ACER1: variants seen among roughly 807,000 people sequenced by gnomAD.
ACER1 encodes the protein CTB-180A7.3.
ACER1 carries 28 observed loss-of-function variants against 24.9 expected under a neutral mutation model. The observed-to-expected ratio is 1.13, with a 90% CI of 0.83 to 1.54. The LOEUF is 1.54. Ranked by LOEUF, ACER1 falls within the 40% of genes most tolerant of loss-of-function variation. The pLI is 0.00. For synonymous variants in ACER1, 132 were observed against 131.4 expected, an observed-to-expected ratio of 1.00 and a Z score of -0.03; for missense variants, 352 against 349.3, an observed-to-expected ratio of 1.01 and a Z score of -0.06.
chr19:6,341,602 GTTTTC>G, the ACER1 span, among the ~76,000 whole-genome samples: 1 of 148,664 alleles, frequency 6.7e-6, no homozygotes, highest in African/African-American at 2.5e-5. Flanking sequence ...GCTTTTTTTT[GTTTTC>G]TTTTGTTTTG....
At chr19:6,321,537 TTTC>T (rs2091631013) in intron 1 of ACER1, among the ~76,000 whole-genome samples, 1 of 152,176 alleles carries the variant, frequency 6.6e-6, no homozygotes, top group East Asian at 1.9e-4. Flanking sequence ...TTTGGCTTAT[TTTC>T]TTCTTCTCCA....
intron 1 of ACER1, among the ~76,000 whole-genome samples, chr19:6,320,340 T>C (rs1041726034): frequency 3.9e-5 from 6 of 152,018 alleles, no homozygotes; most frequent in African/African-American, 1.4e-4. Flanking sequence ...AATGCGTATA[T>C]CTCACTCTGT....
At chr19:6,359,069 A>G in the ACER1 span, among the ~76,000 whole-genome samples, 1 of 151,990 alleles carries the variant, frequency 6.6e-6, no homozygotes, top group Admixed American at 6.6e-5. Context: ...CTGTCTCTAC[A>G]AAAAATTTTA....
At chr19:6,345,197 C>T in the ACER1 span, among the ~76,000 whole-genome samples, 28 of 151,900 alleles carry the variant, frequency 1.8e-4, no homozygotes, top group African/African-American at 5.6e-4. Context: ...GCCCGGCCTC[C>T]GTGTGTTGTT....
At chr19:6,310,953 C>T (rs1698240793) in intron 3 of ACER1, among the ~76,000 whole-genome samples, 1 of 151,286 alleles carries the variant, frequency 6.6e-6, no homozygotes, top group Non-Finnish European at 1.5e-5. Flanking sequence ...AGCAGAAAGT[C>T]TCAGGGAGCC....
the ACER1 span, among the ~76,000 whole-genome samples, chr19:6,347,501 C>T: frequency 3.4e-5 from 5 of 148,594 alleles, no homozygotes; most frequent in Admixed American, 2.0e-4. Flanking sequence ...ATTATAGGTA[C>T]GAGCCACTGT....
the ACER1 span, among the ~76,000 whole-genome samples, chr19:6,354,201 A>C: frequency 6.7e-6 from 1 of 149,286 alleles, no homozygotes; most frequent in Non-Finnish European, 1.5e-5. Flanking sequence ...ATAAAATAAA[A>C]TAAAATAAAT....
chr19:6,306,554 A>C lies in ACER1; in HGVS notation c.*160T>G. 1 of 846,152 alleles carries C rather than the reference A, an allele frequency of 1.2e-6. No homozygotes were observed. Among genetic ancestry groups the C allele is most frequent in the Non-Finnish European group, 1.8e-6 (1 of 568,698 alleles). The allele number at this position is 846,152 out of a possible 1,614,324, so 52.4% of individuals were successfully genotyped here. The stretch of plus-strand genomic sequence containing the variant: ...GCTCAGAGATGTCACAAAGTCCATC[A>C]TCTGCCTCAAGGCAGGGCAGCGCAG... On this transcript the variant is annotated 3_prime_UTR_variant, in exon 6 of 6. Coordinates refer to ENST00000301452, the MANE Select transcript of ACER1 (RefSeq NM_133492.3).
chr19:6,324,911 G>A (rs997431036), intron 1 of ACER1, among the ~76,000 whole-genome samples: 1 of 143,010 alleles, frequency 7.0e-6, no homozygotes. Flanking sequence ...AAGGAAGGAA[G>A]GAGGAAGGAA....
upstream of ACER1, among the ~76,000 whole-genome samples, chr19:6,335,950 G>C (rs901734865): frequency 6.7e-6 from 1 of 148,316 alleles, no homozygotes; most frequent in African/African-American, 2.5e-5. Flanking sequence ...ACCCAGGCTG[G>C]AGTGCAATGG....
intron 1 of ACER1, among the ~76,000 whole-genome samples, chr19:6,326,549 G>T (rs774855419): frequency 1.8e-4 from 27 of 151,986 alleles, no homozygotes; most frequent in East Asian, 7.8e-4. Context: ...ACAGGTGTAA[G>T]CCACCACACT....
At chr19:6,356,716 T>C in the ACER1 span, among the ~76,000 whole-genome samples, 2 of 143,724 alleles carry the variant, frequency 1.4e-5, no homozygotes, top group African/African-American at 5.6e-5. Context: ...TAAATCATAC[T>C]GCATGTAAAA....
At chr19:6,349,801 T>C in the ACER1 span, among the ~76,000 whole-genome samples, 2 of 152,078 alleles carry the variant, frequency 1.3e-5, no homozygotes, top group Admixed American at 6.6e-5. Context: ...CTGCTCACCA[T>C]ACATCCCTTG....
rs1392724604 is a variant in ACER1 at position 6,306,621 on chromosome 19, G to A, written c.*93C>T. On this transcript the variant is annotated 3_prime_UTR_variant, in exon 6 of 6. Coordinates refer to ENST00000301452, the MANE Select transcript of ACER1 (RefSeq NM_133492.3). The stretch of plus-strand genomic sequence containing the variant: ...AAGGGGAAACAGAGGAAGGAACCAC[G>A]AGTGTCCCGCAGGTGCAAGTCCTGA... 34 of 1,436,528 alleles carry A rather than the reference G, an allele frequency of 2.4e-5. No individual in the cohort carries two copies. Among genetic ancestry groups the A allele is most frequent in the Non-Finnish European group, 3.0e-5 (32 of 1,058,206 alleles). 89.0% of individuals were successfully genotyped at this position (1,436,528 alleles called of 1,614,324 possible).
At chr19:6,349,692 C>G in the ACER1 span, among the ~76,000 whole-genome samples, 6 of 152,118 alleles carry the variant, frequency 3.9e-5, no homozygotes, top group Non-Finnish European at 7.4e-5. Flanking sequence ...CTCTGCCTCA[C>G]CCAGTCACTG....
intron 1 of ACER1, among the ~76,000 whole-genome samples, chr19:6,329,356 T>TATAGAATAGAATATAATAGAATAGA (rs2091676617): frequency 1.5e-5 from 2 of 133,938 alleles, no homozygotes; most frequent in African/African-American, 5.7e-5. Flanking sequence ...GGCTTTTTGA[T>TATAGAATAGAATATAATAGAATAGA]ATAGAATAGA....
chr19:6,308,606 C>T (rs1045284921), intron 4 of ACER1, among the ~76,000 whole-genome samples: 3 of 152,110 alleles, frequency 2.0e-5, no homozygotes, highest in African/African-American at 4.8e-5. Flanking sequence ...AGTATTTATT[C>T]TTAACCAACA....
At chr19:6,355,189 G>A in the ACER1 span, among the ~76,000 whole-genome samples, 1 of 152,010 alleles carries the variant, frequency 6.6e-6, no homozygotes, top group Non-Finnish European at 1.5e-5. Context: ...CCACCTCCCA[G>A]CCGCCTGCCT....
At chr19:6,316,155 C>G (rs2091602274) in intron 1 of ACER1, among the ~76,000 whole-genome samples, 1 of 152,044 alleles carries the variant, frequency 6.6e-6, no homozygotes, top group Admixed American at 6.6e-5. Context: ...TGAAATAGGC[C>G]AGGTGTGATG....
Sources: allele counts gnomAD v4.1 joint callset (sites outside exome capture counted in the v4.1 genomes callset), GRCh38; gene constraint gnomAD v4.1.1; transcripts MANE v1.5; gene names NCBI Gene and HGNC (gene_info 2026-07-23, HGNC 2026-07-21).